The following USP24 variants were observed in gnomAD, a reference collection of about 807,000 sequenced individuals.
USP24 encodes ubiquitin specific peptidase 24, also known as ubiquitin carboxyl-terminal hydrolase 24.
In USP24, 97 loss-of-function variants were observed where a neutral mutation model predicts 361.6. The ratio of observed to expected loss-of-function variants is 0.27; its 90% confidence interval spans 0.23 to 0.32. The LOEUF (loss-of-function observed/expected upper bound fraction) is 0.32, where lower values mean the gene tolerates loss of function less well. USP24 is among the 10% of genes least tolerant of loss of function. The pLI is 1.00. For missense variants in USP24, 2,353 were observed against 3,165.6 expected (o/e 0.74, Z 6.16); for synonymous variants, 1,098 against 1,124.6 (o/e 0.98, Z 0.47).
At chr1:55,127,845 CTA>C (rs1557602831) in intron 32 of USP24, among the ~76,000 whole-genome samples, 5 of 152,142 alleles carry the variant, frequency 3.3e-5, no homozygotes, top group African/African-American at 1.2e-4. Context: ...CTTCAATTTA[CTA>C]TCACCCCTTT....
At chr1:55,083,980 C>A in intron 56 of USP24, 92 bp from the exon 57 acceptor site, 1 of 1,030,198 alleles carries the variant, frequency 9.7e-7, no homozygotes, top group East Asian at 2.6e-5. Flanking sequence ...ACCATAAGAA[C>A]AAAAGGAAAG....
At chr1:55,101,557 C>T (rs1318461158) in intron 43 of USP24, 27 bp downstream of exon 43, 3 of 1,585,144 alleles carry the variant, frequency 1.9e-6, no homozygotes, top group Non-Finnish European at 2.6e-6. Context: ...ATCTATCGTA[C>T]CAAAAAGGAT....
intron 1 of USP24, among the ~76,000 whole-genome samples, chr1:55,178,614 A>C (rs1433839640): frequency 1.3e-5 from 2 of 151,556 alleles, no homozygotes; most frequent in South Asian, 2.1e-4. Flanking sequence ...GCTTGCAGTG[A>C]GCAGAGAGCT....
intron 61 of USP24, among the ~76,000 whole-genome samples, chr1:55,078,334 A>G (rs1219123874): frequency 1.3e-5 from 2 of 152,054 alleles, no homozygotes; most frequent in African/African-American, 2.4e-5. Flanking sequence ...CTATGCTTAA[A>G]TTTTTCCCAA....
intron 16 of USP24, among the ~76,000 whole-genome samples, chr1:55,153,066 T>C (rs1557642505): frequency 2.0e-5 from 3 of 152,204 alleles, no homozygotes; most frequent in African/African-American, 7.2e-5. Context: ...CGGAAGCCTT[T>C]CCAGTGCTAG....
chr1:55,143,098 T>C lies in USP24; in HGVS notation c.2461A>G (p.Ile821Val), dbSNP rs919197521. 3.3e-6 allele frequency: 5 copies of C among 1,520,008 alleles called. No homozygotes were observed. In the East Asian group the frequency reaches 7.5e-5, roughly 23 times the overall value. 94.2% of individuals were successfully genotyped at this position (1,520,008 alleles called of 1,614,324 possible). ...ATTTTCCAAATGAAATCCATTCCTATCAATTCCAGCTTTTCTACATACTGT... is the reference window on the plus strand; with the variant it reads ...ATTTTCCAAATGAAATCCATTCCTACCAATTCCAGCTTTTCTACATACTGT... ...AQLYVEKLEL[I>V]GMDFIWKIAM... Residue 821 changes from isoleucine to valine, a missense_variant, in exon 22 of 68, where the codon ATA becomes GTA. Physicochemically the swap from Ile to Val is conservative, Grantham distance 29. Coordinates refer to ENST00000294383, the MANE Select transcript of USP24 (RefSeq NM_015306.3).
intron 24 of USP24, 132 bp downstream of exon 24, chr1:55,141,484 G>C: frequency 1.2e-6 from 1 of 804,130 alleles, no homozygotes; most frequent in Non-Finnish European, 2.0e-6. Flanking sequence ...TAATTCTCAG[G>C]ATTATGACAG....
chr1:55,096,422 T>G, intron 50 of USP24, 76 bp downstream of exon 50: 1 of 1,194,922 alleles, frequency 8.4e-7, no homozygotes, highest in South Asian at 2.4e-5. Context: ...TGTTTTTATA[T>G]AAAGAATACT....
Position 55,124,565 on chromosome 1 carries a change from C to T in USP24, c.4024G>A (p.Ala1342Thr). The T allele has an allele frequency of 6.2e-7, 1 of 1,613,928 alleles. No individual in the cohort carries two copies. The highest frequency in any genetic ancestry group is 8.5e-7 in the Non-Finnish European group (1 of 1,179,884). ...CCAACAAGATCAAGCCGTCCTGCAG[C>T]CGCAGCCCATGACAATCTCATGAAG... ...ACFMRLSWAAAAGRLDLVGSS... is the reference protein window; with the variant it reads ...ACFMRLSWAATAGRLDLVGSS... Residue 1342 changes from alanine (A) to threonine (T), a missense_variant, in exon 35 of 68, where the codon GCT becomes ACT. By Grantham distance (58) the Ala-to-Thr change is moderately conservative. This residue lies in a region of USP24 where 949 missense variants were observed against 1,280.5 expected (regional missense o/e 0.74). Coordinates refer to ENST00000294383, the MANE Select transcript of USP24 (RefSeq NM_015306.3).
At chr1:55,203,269 ACAGT>A (rs2100928165) in intron 1 of USP24, among the ~76,000 whole-genome samples, 1 of 152,352 alleles carries the variant, frequency 6.6e-6, no homozygotes, top group African/African-American at 2.4e-5. Context: ...AAGATAACCT[ACAGT>A]CAAAGACTTC....
chr1:55,159,603 G>T lies in USP24; in HGVS notation c.1068+8C>A. 6.4e-7 allele frequency: 1 copy of T among 1,556,214 alleles called. No homozygotes were observed. Among genetic ancestry groups the T allele is most frequent in the Non-Finnish European group, 8.7e-7 (1 of 1,148,432 alleles). On this transcript the variant is annotated splice_region_variant and intron_variant, in intron 9 of 67. Transcript: ENST00000294383. ...ACTGGGGCCTATCTGGCTGGAGAAG[G>T]CATTTACCTTGTCTTTGAGGTCTTT... is the stretch of plus-strand genomic sequence containing the variant.
At chr1:55,150,170 C>T (rs1307234973) in intron 16 of USP24, among the ~76,000 whole-genome samples, 1 of 152,142 alleles carries the variant, frequency 6.6e-6, no homozygotes, top group East Asian at 1.9e-4. Flanking sequence ...CAACATGCCT[C>T]AAAATTATAC....
chr1:55,111,364 T>C (rs1308886833), intron 38 of USP24, among the ~76,000 whole-genome samples: 1 of 152,132 alleles, frequency 6.6e-6, no homozygotes, highest in Non-Finnish European at 1.5e-5. Flanking sequence ...TCTGCTTCTT[T>C]CGTAAAACTT....
At chr1:55,196,521 C>G (rs1028467992) in intron 1 of USP24, among the ~76,000 whole-genome samples, 2 of 151,988 alleles carry the variant, frequency 1.3e-5, no homozygotes, top group Admixed American at 6.6e-5. Context: ...TTCCGCCCCC[C>G]CAATAGAGTT....
At chr1:55,172,586 A>T in intron 3 of USP24, 66 bp from the exon 4 acceptor site, 1 of 1,485,442 alleles carries the variant, frequency 6.7e-7, no homozygotes. Flanking sequence ...ACAGTTTATC[A>T]AGTCCATCTC....
At chr1:55,093,038 A>G in intron 52 of USP24, 122 bp from the exon 53 acceptor site, 4 of 598,966 alleles carry the variant, frequency 6.7e-6, no homozygotes, top group Non-Finnish European at 5.3e-6. Flanking sequence ...ATTATAATTT[A>G]TAATTCCCCT....
At chr1:55,071,093 G>A in intron 67 of USP24, 15 of 964,528 alleles carry the variant, frequency 1.6e-5, no homozygotes, top group Non-Finnish European at 1.8e-5. Context: ...GCCTCACATA[G>A]TGCTTATGAG....
At chr1:55,089,365 C>T (rs966752481) in intron 55 of USP24, among the ~76,000 whole-genome samples, 2 of 152,168 alleles carry the variant, frequency 1.3e-5, no homozygotes, top group African/African-American at 4.8e-5. Context: ...TGAACCATAG[C>T]AGGGGTTTAA....
intron 1 of USP24, among the ~76,000 whole-genome samples, chr1:55,179,171 T>G (rs1168851298): frequency 6.6e-6 from 1 of 152,082 alleles, no homozygotes; most frequent in Non-Finnish European, 1.5e-5. Context: ...CTCTCAGGAG[T>G]ATCGGACCTT....
Sources: gnomAD v4.1 joint callset for allele counts (sites outside exome capture counted in the v4.1 genomes callset) on GRCh38, gnomAD v4.1.1 for gene constraint, gnomAD v4.1.1 regional missense constraint, MANE v1.5 for transcripts, NCBI Gene and HGNC (gene_info 2026-07-23, HGNC 2026-07-21) for gene names.